The following CTXN2 variants were observed in gnomAD, a reference collection of about 807,000 sequenced individuals.
CTXN2 encodes cortexin 2.
CTXN2 carries 3 observed loss-of-function variants against 5.7 expected under a neutral mutation model. The ratio of observed to expected loss-of-function variants is 0.53; its 90% confidence interval spans 0.24 to 1.36. The LOEUF is 1.36. Among genes scored for constraint, CTXN2 ranks in the 40% most tolerant of loss-of-function variants. The probability of loss-of-function intolerance (pLI) is 0.17; values close to 1 mark genes in which losing one functional copy is unlikely to be tolerated. For missense variants in CTXN2, 87 were observed against 93.0 expected (o/e 0.94, Z 0.26); for synonymous variants, 38 against 36.4 (o/e 1.04, Z -0.16).
At position 48,183,584 on chromosome 15, in the gene CTXN2, C is replaced by T. The variant is rs537035484; in HGVS notation, c.-455+5184C>T. 9.9e-5 allele frequency among the ~76,000 whole-genome samples: 15 copies of T among 152,226 alleles called. No individual in the cohort carries two copies. In the South Asian group the frequency reaches 2.5e-3, roughly 25 times the overall value. The stretch of plus-strand genomic sequence containing the variant: ...ATGGCCTAACTGGTTTTGTCTGCTC[C>T]GAGGGTTCTCAAGCCTGGTCTCCAT... On this transcript the variant is annotated intron_variant, in intron 1 of 2. Transcript: ENST00000644354.
chr15:48,201,343 G>T lies in CTXN2; in HGVS notation c.43G>T (p.Val15Phe). ...YCGNSSAKMS[V>F]NEVSAFSLTL... ...TGGCAACTCTTCAGCTAAGATGAGT[G>T]TCAACGAAGTATCAGCTTTCTCATT... Residue 15 changes from valine (V) to phenylalanine (F), a missense_variant, in exon 2 of 2, where the codon GTC becomes TTC. By Grantham distance (50) the Val-to-Phe change is conservative. Transcript: ENST00000417307. 6.4e-7 allele frequency: 1 copy of T among 1,551,278 alleles called. No individual in the cohort carries two copies. Among genetic ancestry groups the T allele is most frequent in the Non-Finnish European group, 8.7e-7 (1 of 1,146,654 alleles).
intron 1 of CTXN2, among the ~76,000 whole-genome samples, chr15:48,196,096 C>A (rs971294898): frequency 6.6e-6 from 1 of 152,040 alleles, no homozygotes; most frequent in Non-Finnish European, 1.5e-5. Context: ...CATTTGCACC[C>A]CTATTCAATT....
chr15:48,179,517 T>C (rs2040671898), intron 1 of CTXN2, among the ~76,000 whole-genome samples: 1 of 152,228 alleles, frequency 6.6e-6, no homozygotes, highest in Middle Eastern at 3.4e-3. Context: ...CTCATTCAAC[T>C]CTGAGACATA....
At chr15:48,198,021 A>G (rs2040895566) in intron 1 of CTXN2, among the ~76,000 whole-genome samples, 2 of 152,156 alleles carry the variant, frequency 1.3e-5, no homozygotes, top group Non-Finnish European at 2.9e-5. Context: ...TACAAAATTT[A>G]ACCCTGTACT....
rs926572557 is a variant in CTXN2, at chr15:48,183,620, T to C, written c.-455+5220T>C. Among the ~76,000 whole-genome samples, 42 of 152,230 alleles carry C rather than the reference T, an allele frequency of 2.8e-4. 1 individual carries two copies. The highest frequency in any genetic ancestry group is 1.2e-4 in the Non-Finnish European group (8 of 68,036). On this transcript the variant is annotated intron_variant, in intron 1 of 2. Transcript: ENST00000644354. ...AAGCCTGGTCTCCATTTTATTTTGT[T>C]TTAACAATCCATTCATTCATTGTGT...
In CTXN2 at chr15:48,201,628, GA is replaced by G. The variant is rs2040930570; in HGVS notation, c.*83del. The G allele has an allele frequency of 2.2e-6, 3 of 1,365,676 alleles. No individual in the cohort carries two copies. The African/African-American group carries it at 4.4e-5, about 20-fold the overall frequency. The allele number at this position is 1,365,676 out of a possible 1,614,324, so 84.6% of individuals were successfully genotyped here. A position where few individuals can be genotyped will look rare whatever the true frequency, so the allele number is the denominator to read the frequency against. ...TTGTAACTACCTTGAGGGTGTGGGAGAGAGGCTCATTTTGTTCAGTGAATTC... is the reference window on the plus strand; with the variant it reads ...TTGTAACTACCTTGAGGGTGTGGGAGGAGGCTCATTTTGTTCAGTGAATTC... On this transcript the variant is annotated 3_prime_UTR_variant, in exon 2 of 2. Coordinates refer to ENST00000417307, the MANE Select transcript of CTXN2 (RefSeq NM_001145668.2).
At chr15:48,198,838 C>T (rs527879324) in intron 1 of CTXN2, among the ~76,000 whole-genome samples, 1 of 152,300 alleles carries the variant, frequency 6.6e-6, no homozygotes, top group East Asian at 1.9e-4. Context: ...ATTTAGCTAA[C>T]ATCATAACTA....
At position 48,201,705 on chromosome 15, in the gene CTXN2, A is replaced by G. The variant is rs1056040911; in HGVS notation, c.*159A>G. The G allele has an allele frequency of 2.7e-6, 2 of 735,850 alleles. No homozygotes were observed. Among genetic ancestry groups the G allele is most frequent in the Non-Finnish European group, 4.5e-6 (2 of 447,888 alleles). 45.6% of individuals were successfully genotyped at this position (735,850 alleles called of 1,614,324 possible). A position where few individuals can be genotyped will look rare whatever the true frequency, so the allele number is the denominator to read the frequency against. On this transcript the variant is annotated 3_prime_UTR_variant, in exon 2 of 2. Coordinates refer to ENST00000417307, the MANE Select transcript of CTXN2 (RefSeq NM_001145668.2). ...CACCATGCTGTGTAAATGATAAACT[A>G]TTGTTGGGATTCCTCACTTTCCTCT... is the stretch of plus-strand genomic sequence containing the variant.
intron 1 of CTXN2, among the ~76,000 whole-genome samples, chr15:48,184,702 C>T (rs2040731449): frequency 6.6e-6 from 1 of 152,060 alleles, no homozygotes; most frequent in African/African-American, 2.4e-5. Context: ...GGTAGAAATA[C>T]AAAATGATGC....
intron 1 of CTXN2, among the ~76,000 whole-genome samples, chr15:48,194,149 T>C (rs1432622769): frequency 6.6e-6 from 1 of 152,094 alleles, no homozygotes; most frequent in African/African-American, 2.4e-5. Flanking sequence ...GTATATTTTA[T>C]GATAAATATA....
chr15:48,201,440 G>A lies in CTXN2; in HGVS notation c.140G>A (p.Arg47Gln), dbSNP rs1244681722. 7 of 1,551,200 alleles carry A rather than the reference G, an allele frequency of 4.5e-6. No homozygotes were observed. Among genetic ancestry groups the A allele is most frequent in the African/African-American group, 1.4e-5 (1 of 73,002 alleles). Residue 47 changes from arginine (R) to glutamine (Q), a missense_variant, in exon 2 of 2, where the codon CGA (arginine) becomes CAA (glutamine). Transcript: ENST00000417307. ...ATCTTCTTGGGACTTCTTATTATCCGATGCTTCAAAATCCTGCTAGACCCA... is the reference window on the plus strand; with the variant it reads ...ATCTTCTTGGGACTTCTTATTATCCAATGCTTCAAAATCCTGCTAGACCCA... ...LCIFLGLLII[R>Q]CFKILLDPYS...
intron 1 of CTXN2, among the ~76,000 whole-genome samples, chr15:48,199,512 C>A (rs1400261800): frequency 1.3e-5 from 2 of 152,122 alleles, no homozygotes; most frequent in African/African-American, 4.8e-5. Context: ...TCTCCTTGGT[C>A]CAACATCTCT....
At chr15:48,200,327 T>C (rs1055340917) in intron 1 of CTXN2, among the ~76,000 whole-genome samples, 4 of 152,220 alleles carry the variant, frequency 2.6e-5, no homozygotes, top group Non-Finnish European at 5.9e-5. Flanking sequence ...AATTAATTCA[T>C]TTAACTAACT....
At chr15:48,185,951 A>C (rs1301046339) in intron 1 of CTXN2, among the ~76,000 whole-genome samples, 2 of 152,206 alleles carry the variant, frequency 1.3e-5, no homozygotes, top group Non-Finnish European at 2.9e-5. Flanking sequence ...CATTTCATTG[A>C]CATTCCTATT....
upstream of CTXN2, among the ~76,000 whole-genome samples, chr15:48,187,559 G>A (rs1385483769): frequency 6.6e-6 from 1 of 152,166 alleles, no homozygotes; most frequent in African/African-American, 2.4e-5. Context: ...ATAGGTTGAA[G>A]AGGTAAAGGT....
intron 1 of CTXN2, among the ~76,000 whole-genome samples, chr15:48,194,092 T>A (rs958371850): frequency 6.6e-6 from 1 of 152,184 alleles, no homozygotes; most frequent in East Asian, 1.9e-4. Context: ...TATTACTTTT[T>A]CAGTTGCTCT....
At chr15:48,191,192 CCGGAT>C (rs1161460418), upstream of CTXN2, 3 of 152,868 alleles carry the variant, frequency 2.0e-5, no homozygotes, top group African/African-American at 7.2e-5. Context: ...ATTTTCCTTA[CCGGAT>C]AAGAAGAAAC....
upstream of CTXN2, among the ~76,000 whole-genome samples, chr15:48,190,672 A>C (rs940952300): frequency 6.6e-6 from 1 of 152,122 alleles, no homozygotes; most frequent in Non-Finnish European, 1.5e-5. Context: ...ACAGTCCAGT[A>C]GTTATAAGGT....
At chr15:48,181,283 G>A (rs569795429) in intron 1 of CTXN2, among the ~76,000 whole-genome samples, 1 of 152,256 alleles carries the variant, frequency 6.6e-6, no homozygotes, top group South Asian at 2.1e-4. Flanking sequence ...TTAATCTTTC[G>A]CCATCCTAGT....
Sources: gnomAD v4.1 joint callset for allele counts (sites outside exome capture counted in the v4.1 genomes callset) on GRCh38, gnomAD v4.1.1 for gene constraint, MANE v1.5 for transcripts, NCBI Gene and HGNC (gene_info 2026-07-23, HGNC 2026-07-21) for gene names.